SCTR: variants seen among roughly 807,000 people sequenced by gnomAD.
SCTR encodes secretin receptor, also known as pancreatic secretin receptor.
Under a neutral mutation model 60.8 loss-of-function variants are expected in SCTR, and 56 were observed. The observed-to-expected ratio is 0.92, with a 90% confidence interval of 0.74 to 1.15. SCTR has a LOEUF of 1.15. Ranked by LOEUF, SCTR falls within the 50% of genes most tolerant of loss-of-function variation. The pLI is 0.00. For synonymous variants in SCTR, 202 were observed against 217.0 expected, an observed-to-expected ratio of 0.93 and a Z score of 0.61; for missense variants, 562 against 550.4, an observed-to-expected ratio of 1.02 and a Z score of -0.21.
At chr2:119,514,165 A>G (rs1165728284) in intron 1 of SCTR, among the ~76,000 whole-genome samples, 4 of 152,164 alleles carry the variant, frequency 2.6e-5, no homozygotes, top group African/African-American at 9.7e-5. Context: ...GATGGTAGAC[A>G]TGTTTTGAGG....
At chr2:119,494,680 C>A (rs1678280541) in intron 1 of SCTR, 132 bp from the exon 2 acceptor site, 1 of 922,460 alleles carries the variant, frequency 1.1e-6, no homozygotes, top group Non-Finnish European at 1.6e-6. Flanking sequence ...CAAGGATCTC[C>A]TGGTCTGCAG....
chr2:119,455,834 G>A (rs1327082801), intron 7 of SCTR, among the ~76,000 whole-genome samples: 1 of 152,098 alleles, frequency 6.6e-6, no homozygotes, highest in East Asian at 1.9e-4. Context: ...TTCAAGAAAT[G>A]AAAGACATGA....
At chr2:119,469,346 G>A (rs2918939) in intron 4 of SCTR, among the ~76,000 whole-genome samples, 24,632 of 152,106 alleles carry the variant, frequency 0.16, 2,337 homozygotes, top group East Asian at 0.32. Flanking sequence ...GCACTGTCCC[G>A]TGGCTGTGGC....
At chr2:119,499,456 A>G (rs989151456) in intron 1 of SCTR, among the ~76,000 whole-genome samples, 1 of 152,108 alleles carries the variant, frequency 6.6e-6, no homozygotes, top group Non-Finnish European at 1.5e-5. Context: ...CAAGCAGATC[A>G]TGTTGTGGGC....
chr2:119,511,594 T>C (rs1678933061), intron 1 of SCTR, among the ~76,000 whole-genome samples: 1 of 152,186 alleles, frequency 6.6e-6, no homozygotes, highest in East Asian at 1.9e-4. Context: ...CACAGTCCTA[T>C]TGGTTTTTCC....
intron 1 of SCTR, among the ~76,000 whole-genome samples, chr2:119,501,693 C>G (rs1310930447): frequency 6.6e-6 from 1 of 152,090 alleles, no homozygotes; most frequent in Non-Finnish European, 1.5e-5. Context: ...CTGACTTGAT[C>G]ATAACATATT....
intron 1 of SCTR, among the ~76,000 whole-genome samples, chr2:119,523,399 T>TATTATG: frequency 8.5e-6 from 1 of 117,508 alleles, no homozygotes; most frequent in African/African-American, 3.5e-5. Flanking sequence ...CCGCTATTAT[T>TATTATG]ATTATTATTA....
chr2:119,513,942 A>G (rs1386627226), intron 1 of SCTR, among the ~76,000 whole-genome samples: 1 of 152,196 alleles, frequency 6.6e-6, no homozygotes, highest in African/African-American at 2.4e-5. Context: ...TGGTTTTGCT[A>G]CATAAAACTA....
intron 1 of SCTR, among the ~76,000 whole-genome samples, chr2:119,522,312 A>AT (rs1208996169): frequency 6.6e-6 from 1 of 152,052 alleles, no homozygotes; most frequent in African/African-American, 2.4e-5. Flanking sequence ...AAAAAAAAAA[A>AT]AGAAAAAGAA....
chr2:119,451,827 C>T (rs1279150267), intron 9 of SCTR, among the ~76,000 whole-genome samples, 183 bp downstream of exon 9: 1 of 152,198 alleles, frequency 6.6e-6, no homozygotes. Context: ...CACTGCACTC[C>T]CACACATTCT....
At position 119,511,664 on chromosome 2, in the gene SCTR, G is replaced by T. The variant is rs185483970; in HGVS notation, c.72+12491C>A. ...TTGCTCCACCCAGGCCTGCTATCTGGCTGTGGTTTGGGGTGCCCTCTCCCT... is the reference window on the plus strand; with the variant it reads ...TTGCTCCACCCAGGCCTGCTATCTGTCTGTGGTTTGGGGTGCCCTCTCCCT... On this transcript the variant is annotated intron_variant, in intron 1 of 12. Coordinates refer to ENST00000019103, the MANE Select transcript of SCTR (RefSeq NM_002980.3). Among the ~76,000 whole-genome samples, 459 of 152,174 alleles carry T rather than the reference G, an allele frequency of 3.0e-3. 9 individuals are homozygous for T. Among genetic ancestry groups the T allele is most frequent in the Admixed American group, 0.023 (350 of 15,264 alleles).
chr2:119,449,764 G>A (rs1278968314), intron 9 of SCTR, among the ~76,000 whole-genome samples: 3 of 152,130 alleles, frequency 2.0e-5, no homozygotes, highest in Non-Finnish European at 1.5e-5. Flanking sequence ...AGGATTAGTG[G>A]CTGTCTAGGA....
intron 1 of SCTR, among the ~76,000 whole-genome samples, chr2:119,515,915 A>G (rs1679098384): frequency 2.0e-5 from 3 of 152,212 alleles, no homozygotes; most frequent in African/African-American, 7.2e-5. Flanking sequence ...GACCCTTGGT[A>G]GGATCCGGAC....
At chr2:119,448,654 G>T in intron 10 of SCTR, 35 bp downstream of exon 10, 1 of 1,181,506 alleles carries the variant, frequency 8.5e-7, no homozygotes, top group Non-Finnish European at 1.3e-6. Context: ...AATGCTTGCT[G>T]ACTGACCATG....
At chr2:119,442,821 G>A (rs1423553683) in intron 11 of SCTR, among the ~76,000 whole-genome samples, 3 of 152,112 alleles carry the variant, frequency 2.0e-5, no homozygotes, top group African/African-American at 4.8e-5. Flanking sequence ...TCCAAAAAAC[G>A]GGCATCATGG....
At chr2:119,495,010 C>G (rs1408851390) in intron 1 of SCTR, among the ~76,000 whole-genome samples, 1 of 152,152 alleles carries the variant, frequency 6.6e-6, no homozygotes, top group Non-Finnish European at 1.5e-5. Context: ...TCATAGCTCA[C>G]TGCAGCCTTG....
chr2:119,504,614 T>C (rs1237829056), intron 1 of SCTR, among the ~76,000 whole-genome samples: 2 of 151,666 alleles, frequency 1.3e-5, no homozygotes, highest in African/African-American at 4.8e-5. Flanking sequence ...TAAAAATAAA[T>C]AAATAAATAA....
At chr2:119,463,805 G>A (rs1181355996) in intron 6 of SCTR, among the ~76,000 whole-genome samples, 1 of 152,000 alleles carries the variant, frequency 6.6e-6, no homozygotes, top group Non-Finnish European at 1.5e-5. Flanking sequence ...TTCTTCAGCT[G>A]GGAACTGGCA....
chr2:119,442,073 C>A (rs918428723), intron 11 of SCTR, among the ~76,000 whole-genome samples: 1 of 152,224 alleles, frequency 6.6e-6, no homozygotes, highest in African/African-American at 2.4e-5. Context: ...GTAGGCAGAA[C>A]AAACTATGTA....
Sources: gnomAD v4.1 joint callset for allele counts (sites outside exome capture counted in the v4.1 genomes callset) on GRCh38, gnomAD v4.1.1 for gene constraint, MANE v1.5 for transcripts, NCBI Gene and HGNC (gene_info 2026-07-23, HGNC 2026-07-21) for gene names.